MYRFL: variants seen among roughly 807,000 people sequenced by gnomAD.
MYRFL encodes the protein myelin regulatory factor-like protein.
In MYRFL, 88 loss-of-function variants were observed where a neutral mutation model predicts 109.4. The ratio of observed to expected loss-of-function variants is 0.80; its 90% CI spans 0.68 to 0.96. The LOEUF (loss-of-function observed/expected upper bound fraction) is 0.96. Among genes scored for constraint, MYRFL ranks in the 40% least tolerant of loss-of-function variants. MYRFL has a pLI of 0.00. For missense variants in MYRFL, 957 were observed against 954.9 expected, an observed-to-expected ratio of 1.00 and a Z score of -0.03; for synonymous variants, 324 against 320.9, an observed-to-expected ratio of 1.01 and a Z score of -0.10.
intron 20 of MYRFL, 166 bp downstream of exon 20, chr12:69,952,341 A>G (rs1955999375): frequency 1.6e-6 from 1 of 634,964 alleles, no homozygotes; most frequent in Non-Finnish European, 2.8e-6. Context: ...CTAACCACTA[A>G]TGAGGCATTA....
At chr12:69,955,798 C>T (rs971844855) in intron 22 of MYRFL, among the ~76,000 whole-genome samples, 2 of 151,542 alleles carry the variant, frequency 1.3e-5, no homozygotes, top group East Asian at 1.9e-4. Flanking sequence ...ATGCACAGCT[C>T]CCAGTAGCAA....
chr12:69,905,019 A>G (rs762524034), intron 11 of MYRFL, among the ~76,000 whole-genome samples: 6 of 152,214 alleles, frequency 3.9e-5, no homozygotes, highest in East Asian at 1.9e-4. Context: ...TGCGGTTCAT[A>G]TTAGAAGAGC....
chr12:69,936,356 A>T, intron 18 of MYRFL, 21 bp downstream of exon 18: 1 of 1,533,282 alleles, frequency 6.5e-7, no homozygotes, highest in Non-Finnish European at 8.7e-7. Flanking sequence ...CACATTCCTC[A>T]CCCTCAAACC....
chr12:69,921,306 G>C (rs886647445), intron 13 of MYRFL, among the ~76,000 whole-genome samples: 2 of 152,090 alleles, frequency 1.3e-5, no homozygotes, highest in Non-Finnish European at 2.9e-5. Flanking sequence ...GCCTCCCAAA[G>C]TGCTGGGATT....
At chr12:69,950,961 G>C (rs1152953) in intron 19 of MYRFL, among the ~76,000 whole-genome samples, 117,331 of 152,090 alleles carry the variant, frequency 0.77, 45,442 homozygotes, top group Middle Eastern at 0.89. Flanking sequence ...AGACATTATG[G>C]CAGGGGTTAC....
intron 11 of MYRFL, among the ~76,000 whole-genome samples, chr12:69,908,041 T>C (rs1260451586): frequency 6.6e-6 from 1 of 152,158 alleles, no homozygotes; most frequent in Non-Finnish European, 1.5e-5. Flanking sequence ...GGGCATTTGC[T>C]GTCTCGGGCC....
intron 19 of MYRFL, among the ~76,000 whole-genome samples, chr12:69,939,911 G>A (rs1376354044): frequency 5.9e-5 from 9 of 152,328 alleles, no homozygotes; most frequent in Non-Finnish European, 1.3e-4. Flanking sequence ...AGCCTCAGGA[G>A]CCGATGCGAT....
chr12:69,869,637 G>A (rs1314907613), intron 2 of MYRFL, among the ~76,000 whole-genome samples: 1 of 151,604 alleles, frequency 6.6e-6, no homozygotes, highest in Non-Finnish European at 1.5e-5. Flanking sequence ...CGAGCTCAGT[G>A]TGAGGTGCAA....
At chr12:69,841,539 T>C (rs1484963188) in intron 1 of MYRFL, among the ~76,000 whole-genome samples, 3 of 152,212 alleles carry the variant, frequency 2.0e-5, no homozygotes, top group African/African-American at 7.2e-5. Context: ...TTGGAAGAGA[T>C]GTGCACAAGC....
chr12:69,936,719 T>G (rs2120486440), intron 19 of MYRFL, 87 bp downstream of exon 19: 1 of 1,203,436 alleles, frequency 8.3e-7, no homozygotes, highest in Non-Finnish European at 1.1e-6. Flanking sequence ...TCATTAATGG[T>G]TCCAGATAAT....
intron 10 of MYRFL, among the ~76,000 whole-genome samples, chr12:69,901,932 C>T (rs1459023): frequency 1.4e-5 from 2 of 139,198 alleles, no homozygotes; most frequent in South Asian, 4.8e-4. Context: ...ATTGCTCTGT[C>T]CCCTAGGCTG....
chr12:69,889,022 TG>T (rs1249918275), intron 6 of MYRFL, among the ~76,000 whole-genome samples: 1 of 152,138 alleles, frequency 6.6e-6, no homozygotes, highest in Non-Finnish European at 1.5e-5. Context: ...ATTGGGAAGG[TG>T]CAAAGAACAT....
rs1163413839 is a variant in MYRFL at position 69,958,734 on chromosome 12, A to ATGTT, written c.*206_*209dup. 8 of 518,132 alleles carry ATGTT rather than the reference A, an allele frequency of 1.5e-5. No individual in the cohort carries two copies. Among genetic ancestry groups the ATGTT allele is most frequent in the Non-Finnish European group, 2.7e-5 (8 of 296,722 alleles). 32.1% of individuals were successfully genotyped at this position (518,132 alleles called of 1,614,324 possible). A position where few individuals can be genotyped will look rare whatever the true frequency, so the allele number is the denominator to read the frequency against. On this transcript the variant is annotated 3_prime_UTR_variant, in exon 25 of 25. Transcript: ENST00000552032. ...GTTTGCTGAAACTTGAAATAATGTG[A>ATGTT]TGTTTGATTTTGCCATGACTATGAA...
intron 7 of MYRFL, among the ~76,000 whole-genome samples, chr12:69,892,387 A>T (rs184748541): frequency 1.4e-4 from 21 of 151,996 alleles, no homozygotes; most frequent in Admixed American, 1.2e-3. Context: ...AGCATTCATT[A>T]TCTGCCTATT....
At chr12:69,848,171 A>G (rs558224648) in intron 1 of MYRFL, among the ~76,000 whole-genome samples, 40 of 152,204 alleles carry the variant, frequency 2.6e-4, no homozygotes, top group Non-Finnish European at 4.9e-4. Context: ...TGTTCAAAAT[A>G]TTGGTCTGTT....
intron 2 of MYRFL, among the ~76,000 whole-genome samples, chr12:69,858,761 T>G (rs929684550): frequency 6.6e-6 from 1 of 151,892 alleles, no homozygotes; most frequent in African/African-American, 2.4e-5. Context: ...TGGACGTTTA[T>G]CAATTTTATT....
At chr12:69,903,472 G>A (rs1341425038) in intron 10 of MYRFL, among the ~76,000 whole-genome samples, 172 bp from the exon 11 acceptor site, 1 of 152,138 alleles carries the variant, frequency 6.6e-6, no homozygotes, top group African/African-American at 2.4e-5. Context: ...AAGCCTCCCT[G>A]GCTCTCCTGG....
At chr12:69,926,299 G>T (rs775210916) in intron 13 of MYRFL, among the ~76,000 whole-genome samples, 4 of 151,968 alleles carry the variant, frequency 2.6e-5, no homozygotes, top group Non-Finnish European at 5.9e-5. Flanking sequence ...TTCCAGATTT[G>T]CCAATGTCCT....
chr12:69,944,197 G>T (rs1255608019), intron 19 of MYRFL, among the ~76,000 whole-genome samples: 1 of 142,552 alleles, frequency 7.0e-6, no homozygotes, highest in South Asian at 2.4e-4. Flanking sequence ...TATACCCAAA[G>T]GACTATAAAT....
Sources: gnomAD v4.1 joint callset for allele counts (sites outside exome capture counted in the v4.1 genomes callset) on GRCh38, gnomAD v4.1.1 for gene constraint, MANE v1.5 for transcripts, NCBI Gene and HGNC (gene_info 2026-07-23, HGNC 2026-07-21) for gene names.